FREM3: variants seen among roughly 807,000 people sequenced by gnomAD.
FREM3 encodes FRAS1 related extracellular matrix 3.
FREM3 carries 105 observed loss-of-function variants against 129.1 expected under a neutral mutation model. The ratio of observed to expected loss-of-function variants is 0.81; its 90% CI spans 0.69 to 0.96. The LOEUF (loss-of-function observed/expected upper bound fraction) is 0.96, where lower values mean the gene tolerates loss of function less well. Among genes scored for constraint, FREM3 ranks in the 40% least tolerant of loss-of-function variants. FREM3 has a pLI of 0.00. For synonymous variants in FREM3, 1,014 were observed against 1,044.9 expected (o/e 0.97, Z 0.57); for missense variants, 2,593 against 2,666.3 (o/e 0.97, Z 0.61).
chr4:143,624,261 G>A lies in FREM3; in HGVS notation c.5500C>T (p.Pro1834Ser). Residue 1834 changes from proline (P) to serine (S), a missense_variant, in exon 4 of 8, where the codon CCT (proline) becomes TCT (serine). Coordinates refer to ENST00000329798, the MANE Select transcript of FREM3 (RefSeq NM_001168235.2). ...WKTNKQIQFN[P>S]GQTTATWRVR... Reference sequence around the variant, plus strand: ...CTCCATGTGGCTGTAGTCTGTCCAGGATTGAACTGGATCTGTTTATTGGTC... The same window carrying A: ...CTCCATGTGGCTGTAGTCTGTCCAGAATTGAACTGGATCTGTTTATTGGTC... 2 of 1,536,926 alleles carry A rather than the reference G, an allele frequency of 1.3e-6. No individual in the cohort carries two copies. Among genetic ancestry groups the A allele is most frequent in the African/African-American group, 1.4e-5 (1 of 73,156 alleles).
At chr4:143,647,746 C>T (rs192038194) in intron 2 of FREM3, among the ~76,000 whole-genome samples, 89 of 152,206 alleles carry the variant, frequency 5.8e-4, no homozygotes, top group African/African-American at 1.7e-3. Context: ...TATGGAAGTG[C>T]CTGGATGTCC....
intron 7 of FREM3, among the ~76,000 whole-genome samples, chr4:143,578,567 C>A (rs1445201274): frequency 1.3e-5 from 2 of 152,164 alleles, no homozygotes; most frequent in African/African-American, 2.4e-5. Flanking sequence ...GGAACCCTGG[C>A]AGATACTACC....
intron 2 of FREM3, among the ~76,000 whole-genome samples, chr4:143,659,925 G>A (rs1464638395): frequency 2.0e-5 from 3 of 151,390 alleles, no homozygotes; most frequent in Non-Finnish European, 4.4e-5. Context: ...TTTTTGATGG[G>A]GTTGTTTGTT....
intron 7 of FREM3, among the ~76,000 whole-genome samples, chr4:143,583,285 A>AACTTCTT (rs1738179594): frequency 6.6e-6 from 1 of 152,178 alleles, no homozygotes; most frequent in African/African-American, 2.4e-5. Context: ...GAATGTGCAA[A>AACTTCTT]ACTTCTTAGA....
At chr4:143,613,209 A>C (rs2149839600) in intron 5 of FREM3, among the ~76,000 whole-genome samples, 1 of 152,344 alleles carries the variant, frequency 6.6e-6, no homozygotes, top group East Asian at 1.9e-4. Context: ...GGAATCATAA[A>C]AATTGTTAGA....
intron 2 of FREM3, among the ~76,000 whole-genome samples, chr4:143,656,863 A>T (rs1739610526): frequency 6.6e-6 from 1 of 152,220 alleles, no homozygotes; most frequent in Non-Finnish European, 1.5e-5. Flanking sequence ...ATGTATTTTC[A>T]TGTAAATAAA....
intron 2 of FREM3, among the ~76,000 whole-genome samples, chr4:143,638,009 T>G (rs749105919): frequency 2.0e-5 from 3 of 152,160 alleles, no homozygotes; most frequent in Non-Finnish European, 4.4e-5. Context: ...GTACCCAAAC[T>G]GTCTTGATGA....
intron 6 of FREM3, among the ~76,000 whole-genome samples, chr4:143,610,026 A>G (rs186395577): frequency 6.6e-6 from 1 of 152,330 alleles, no homozygotes; most frequent in African/African-American, 2.4e-5. Context: ...TTATTTTAAG[A>G]AAAACAATCT....
chr4:143,699,001 C>T lies in FREM3; in HGVS notation c.1675G>A (p.Val559Met), dbSNP rs1740637136. 1.3e-6 allele frequency: 2 copies of T among 1,537,150 alleles called. No individual in the cohort carries two copies. Among genetic ancestry groups the T allele is most frequent in the African/African-American group, 2.7e-5 (2 of 73,002 alleles). Residue 559 changes from valine to methionine, a missense_variant, in exon 1 of 8, where the codon GTG (valine) becomes ATG (methionine). Physicochemically the swap from Val to Met is conservative, Grantham distance 21. Coordinates refer to ENST00000329798, the MANE Select transcript of FREM3 (RefSeq NM_001168235.2). This position sits in a 1 kb window ranked among gnomAD's most constrained non-coding sequence, Gnocchi z 4.2. ...AGTACAAAGGGAGAGATCTGGACCA[C>T]CTGCCCTTCAGTGAGTGAGAGTCCT... ...NTGLSLTEGQ[V>M]VQISPFVLSA...
rs10578943 is a variant in FREM3, at chr4:143,644,177, A to ATGTG, written c.5276-16421_5276-16418dup. 1.9e-3 allele frequency among the ~76,000 whole-genome samples: 280 copies of ATGTG among 149,334 alleles called. 3 individuals are homozygous for ATGTG. Among genetic ancestry groups the ATGTG allele is most frequent in the African/African-American group, 6.3e-3 (256 of 40,684 alleles). On this transcript the variant is annotated intron_variant, in intron 2 of 7. Coordinates refer to ENST00000329798, the MANE Select transcript of FREM3 (RefSeq NM_001168235.2). Reference sequence around the variant, plus strand: ...ATCTTATTCCCCTCCTGCTCTGCATATGTGTGTGTGTGTGTGTGTGTGTGC... The same window carrying ATGTG: ...ATCTTATTCCCCTCCTGCTCTGCATATGTGTGTGTGTGTGTGTGTGTGTGTGTGC...
chr4:143,691,615 A>G (rs989870468), intron 2 of FREM3, among the ~76,000 whole-genome samples: 1 of 152,220 alleles, frequency 6.6e-6, no homozygotes, highest in Admixed American at 6.5e-5. Context: ...CAAGTTATTC[A>G]ACCATGGTGT....
chr4:143,595,471 C>G (rs1033838582), intron 6 of FREM3, among the ~76,000 whole-genome samples: 1 of 152,170 alleles, frequency 6.6e-6, no homozygotes, highest in Admixed American at 6.5e-5. Flanking sequence ...AAGCATGGTG[C>G]TAGTTACTGG....
chr4:143,645,577 A>G (rs1241869613), intron 2 of FREM3, among the ~76,000 whole-genome samples: 2 of 152,242 alleles, frequency 1.3e-5, no homozygotes, highest in Admixed American at 6.5e-5. Flanking sequence ...TGACTGAAAC[A>G]TAGAAACCCT....
In FREM3 at chr4:143,697,674, C is replaced by A. The variant is rs913177045; in HGVS notation, c.3002G>T (p.Gly1001Val). ...SPKLGTILVN[G>V]LPTERFTQED... The stretch of plus-strand genomic sequence containing the variant: ...TTGGGTGAATCGTTCTGTGGGCAAA[C>A]CATTTACCAGAATAGTGCCCAGTTT... Residue 1001 changes from glycine to valine, a missense_variant, in exon 1 of 8, where the codon GGT becomes GTT. Around this residue, in one of 2 missense-constraint regions of FREM3, gnomAD observed 2,276 missense variants for 2,267.2 expected, o/e 1.00. Transcript: ENST00000329798. 6.5e-7 allele frequency: 1 copy of A among 1,537,862 alleles called. No individual in the cohort carries two copies. Among genetic ancestry groups the A allele is most frequent in the African/African-American group, 1.4e-5 (1 of 73,168 alleles).
intron 2 of FREM3, among the ~76,000 whole-genome samples, chr4:143,659,887 G>C (rs1365753770): frequency 3.9e-5 from 6 of 152,074 alleles, no homozygotes; most frequent in Admixed American, 3.9e-4. Flanking sequence ...CTTCTTTTGA[G>C]AAGTGTCTGT....
chr4:143,662,622 A>G (rs1739757679), intron 2 of FREM3, among the ~76,000 whole-genome samples: 1 of 151,776 alleles, frequency 6.6e-6, no homozygotes, highest in Non-Finnish European at 1.5e-5. Flanking sequence ...AGCTGAGTTC[A>G]ATTCCTGGAT....
At chr4:143,598,550 T>C (rs1738521448) in intron 6 of FREM3, among the ~76,000 whole-genome samples, 1 of 152,168 alleles carries the variant, frequency 6.6e-6, no homozygotes, top group Admixed American at 6.5e-5. Flanking sequence ...AGATATATGG[T>C]GCTTCTCTTC....
At chr4:143,639,371 G>A (rs1248750223) in intron 2 of FREM3, among the ~76,000 whole-genome samples, 1 of 152,118 alleles carries the variant, frequency 6.6e-6, no homozygotes, top group East Asian at 1.9e-4. Flanking sequence ...CTGGGCTGGA[G>A]TCTTGGCAAC....
intron 6 of FREM3, among the ~76,000 whole-genome samples, chr4:143,591,841 G>A (rs1474082177): frequency 6.6e-6 from 1 of 152,190 alleles, no homozygotes; most frequent in Non-Finnish European, 1.5e-5. Context: ...ACAGTCGGGT[G>A]TTAAAGTCTC....
Sources: gnomAD v4.1 joint callset for allele counts (sites outside exome capture counted in the v4.1 genomes callset) on GRCh38, gnomAD v4.1.1 for gene constraint, gnomAD v4.1.1 regional missense constraint, Gnocchi (gnomAD v3.1) non-coding constraint, MANE v1.5 for transcripts, NCBI Gene and HGNC (gene_info 2026-07-23, HGNC 2026-07-21) for gene names.